The following JAZF1 variants were observed in gnomAD, a reference collection of about 807,000 sequenced individuals.
JAZF1 encodes the protein juxtaposed with another zinc finger protein 1.
Under a neutral mutation model 26.4 loss-of-function variants are expected in JAZF1, and 8 were observed. The observed-to-expected ratio is 0.30, with a 90% CI of 0.18 to 0.55. JAZF1 has a LOEUF of 0.55. JAZF1 is among the 20% of genes least tolerant of loss of function. JAZF1 has a pLI of 0.94. For missense variants in JAZF1, 199 were observed against 322.0 expected (o/e 0.62, Z 2.92); for synonymous variants, 126 against 122.3 (o/e 1.03, Z -0.20).
chr7:27,899,320 C>T (rs569642652), intron 2 of JAZF1, among the ~76,000 whole-genome samples: 39 of 152,220 alleles, frequency 2.6e-4, no homozygotes, highest in Non-Finnish European at 4.8e-4. Context: ...GAAAGATTAA[C>T]CGTGTTGCCA....
At chr7:27,870,658 A>C (rs1783564135) in intron 3 of JAZF1, among the ~76,000 whole-genome samples, 1 of 152,098 alleles carries the variant, frequency 6.6e-6, no homozygotes, top group Admixed American at 6.5e-5. Flanking sequence ...TACTCAGCAA[A>C]GGTCCAAGCA....
intron 3 of JAZF1, among the ~76,000 whole-genome samples, chr7:27,855,907 C>T (rs947559947): frequency 6.6e-6 from 1 of 152,080 alleles, no homozygotes; most frequent in Non-Finnish European, 1.5e-5. Flanking sequence ...AGAGACACAA[C>T]AAAAAAAGAA....
At chr7:27,920,242 TTATTA>T (rs540931566) in intron 2 of JAZF1, among the ~76,000 whole-genome samples, 52 of 152,352 alleles carry the variant, frequency 3.4e-4, no homozygotes, top group Middle Eastern at 3.4e-3. Flanking sequence ...AGTCATAATT[TTATTA>T]TAATTGTTAA....
intron 1 of JAZF1, among the ~76,000 whole-genome samples, chr7:28,130,564 TC>T (rs1337615812): frequency 6.6e-6 from 1 of 152,188 alleles, no homozygotes; most frequent in Non-Finnish European, 1.5e-5. Context: ...AACACAGTAG[TC>T]ACATGAATGT....
At position 27,831,823 on chromosome 7, in the gene JAZF1, G is replaced by A. The variant is rs1170956454; in HGVS notation, c.*977C>T. ...CAACCCACAGGTTTGGTAGGGCAGTGGTTGCAAGAATTGGCAACACATAAA... is the reference window on the plus strand; with the variant it reads ...CAACCCACAGGTTTGGTAGGGCAGTAGTTGCAAGAATTGGCAACACATAAA... On this transcript the variant is annotated 3_prime_UTR_variant, in exon 5 of 5. Coordinates refer to ENST00000283928, the MANE Select transcript of JAZF1 (RefSeq NM_175061.4). The A allele has an allele frequency of 4.5e-6, 1 of 220,692 alleles. No homozygotes were observed. Among genetic ancestry groups the A allele is most frequent in the East Asian group, 6.7e-5 (1 of 14,994 alleles). The allele number at this position is 220,692 out of a possible 1,614,324, so 13.7% of individuals were successfully genotyped here.
At chr7:27,912,275 G>T (rs550705230) in intron 2 of JAZF1, among the ~76,000 whole-genome samples, 6 of 152,306 alleles carry the variant, frequency 3.9e-5, no homozygotes, top group East Asian at 1.9e-4. Context: ...GGGATTCTTT[G>T]TGATGTTAAC....
chr7:27,947,080 A>G lies in JAZF1; in HGVS notation c.188+44829T>C, dbSNP rs146040354. Among the ~76,000 whole-genome samples the G allele has an allele frequency of 5.8e-3, 883 of 152,322 alleles. 9 individuals are homozygous for G. Among genetic ancestry groups the G allele is most frequent in the African/African-American group, 0.02 (845 of 41,576 alleles). On this transcript the variant is annotated intron_variant, in intron 2 of 4. Transcript: ENST00000283928. ...TCATTTTATAGTGGAATCACAAAGC[A>G]ATTTGTTTTTCCTCTCACAAAGCAA...
In JAZF1 at chr7:28,118,539, G is replaced by A. The variant is rs117608238; in HGVS notation, c.115+61924C>T. Among the ~76,000 whole-genome samples the A allele has an allele frequency of 7.9e-5, 12 of 152,144 alleles. No individual in the cohort carries two copies. The East Asian group carries it at 1.9e-3, about 24-fold the overall frequency. On this transcript the variant is annotated intron_variant, in intron 1 of 4. Transcript: ENST00000283928. ...GAGTATTTTTTAACAAGGATCTAAC[G>A]TTCCCAATTATTTCTATTTGAAAAT...
intron 1 of JAZF1, among the ~76,000 whole-genome samples, chr7:28,111,967 G>C (rs761492519): frequency 2.0e-5 from 3 of 152,128 alleles, no homozygotes; most frequent in Non-Finnish European, 4.4e-5. Flanking sequence ...GTAGTATTAT[G>C]GTGCTATACC....
chr7:27,900,369 A>G (rs560171108), intron 2 of JAZF1, among the ~76,000 whole-genome samples: 1 of 152,372 alleles, frequency 6.6e-6, no homozygotes, highest in East Asian at 1.9e-4. Flanking sequence ...TTGAATTTTA[A>G]TATTATCTAT....
At chr7:27,923,661 C>G (rs1359639478) in intron 2 of JAZF1, among the ~76,000 whole-genome samples, 1 of 152,064 alleles carries the variant, frequency 6.6e-6, no homozygotes, top group Non-Finnish European at 1.5e-5. Context: ...TGCAGCCCCC[C>G]AGCCCTGTCC....
chr7:27,950,117 G>C (rs1784985032), intron 2 of JAZF1, among the ~76,000 whole-genome samples: 1 of 152,192 alleles, frequency 6.6e-6, no homozygotes, highest in African/African-American at 2.4e-5. Flanking sequence ...ACATTTTCAA[G>C]GTTCAAGACT....
intron 1 of JAZF1, among the ~76,000 whole-genome samples, chr7:28,176,237 A>G (rs1288694529): frequency 2.0e-5 from 3 of 152,242 alleles, no homozygotes; most frequent in Non-Finnish European, 2.9e-5. Flanking sequence ...ATGTTTCAAT[A>G]GCAAAGCTGA....
chr7:28,024,211 C>G (rs2128373441), intron 1 of JAZF1, among the ~76,000 whole-genome samples: 1 of 152,240 alleles, frequency 6.6e-6, no homozygotes, highest in South Asian at 2.1e-4. Flanking sequence ...GGAAGGACTG[C>G]TTAAGCCCAC....
In JAZF1 at chr7:27,913,262, ATATG is replaced by A. The variant is rs112024155; in HGVS notation, c.189-17850_189-17847del. Reference sequence around the variant, plus strand: ...ATAGATATTTATGTTTACATATTATATATGTATTTATATATATTATATATATATA... The same window carrying A: ...ATAGATATTTATGTTTACATATTATATATTTATATATATTATATATATATA... On this transcript the variant is annotated intron_variant, in intron 2 of 4. Transcript: ENST00000283928. 379 of 185,340 alleles carry A rather than the reference ATATG, an allele frequency of 2.0e-3. 2 individuals are homozygous for A. The highest frequency in any genetic ancestry group is 8.2e-3 in the African/African-American group (339 of 41,312). The allele number at this position is 185,340 out of a possible 1,614,324, so 11.5% of individuals were successfully genotyped here. A position where few individuals can be genotyped will look rare whatever the true frequency, so the allele number is the denominator to read the frequency against.
At chr7:27,996,591 C>T (rs1051918829) in intron 1 of JAZF1, among the ~76,000 whole-genome samples, 2 of 152,158 alleles carry the variant, frequency 1.3e-5, no homozygotes, top group Middle Eastern at 3.2e-3. Flanking sequence ...TGGCCTTCCC[C>T]CAGCTATAGA....
chr7:28,040,547 A>G (rs975919789), intron 1 of JAZF1, among the ~76,000 whole-genome samples: 1 of 152,166 alleles, frequency 6.6e-6, no homozygotes, highest in African/African-American at 2.4e-5. Flanking sequence ...AGAGAGGGAT[A>G]CACGGTGCCA....
At chr7:27,920,628 A>C (rs1301003222) in intron 2 of JAZF1, among the ~76,000 whole-genome samples, 1 of 152,250 alleles carries the variant, frequency 6.6e-6, no homozygotes, top group Non-Finnish European at 1.5e-5. Flanking sequence ...GAGCATGTGA[A>C]TAAGACCCTC....
chr7:28,058,204 T>C (rs1234011524), intron 1 of JAZF1, among the ~76,000 whole-genome samples: 1 of 152,188 alleles, frequency 6.6e-6, no homozygotes, highest in Non-Finnish European at 1.5e-5. Flanking sequence ...AGAGTTTGTA[T>C]GCAAGGAACT....
Sources: gnomAD v4.1 joint callset for allele counts (sites outside exome capture counted in the v4.1 genomes callset) on GRCh38, gnomAD v4.1.1 for gene constraint, MANE v1.5 for transcripts, NCBI Gene and HGNC (gene_info 2026-07-23, HGNC 2026-07-21) for gene names.